Variants in RAP2A observed in about 807,000 individuals in gnomAD.
RAP2A encodes RAP2A, member of RAS oncogene family, also known as ras-related protein Rap-2a.
RAP2A carries 5 observed loss-of-function variants against 15.1 expected under a neutral mutation model. The ratio of observed to expected loss-of-function variants is 0.33; its 90% CI spans 0.17 to 0.70. The LOEUF is 0.70. Ranked by LOEUF, RAP2A falls within the 30% of genes least tolerant of loss-of-function variation. The pLI is 0.68. For missense variants in RAP2A, 111 were observed against 240.3 expected (o/e 0.46, Z 3.56); for synonymous variants, 110 against 99.7 (o/e 1.10, Z -0.62).
rs2066766659 is a variant in RAP2A, at chr13:97,465,479, C to G, written c.*1037C>G. On this transcript the variant is annotated 3_prime_UTR_variant, in exon 2 of 2. Coordinates refer to ENST00000245304, the MANE Select transcript of RAP2A (RefSeq NM_021033.7). ...CCCGTGGCTAACCTGCTTTCAAAAT[C>G]AAGTATTTGCTGTAGCAGAGCTTTA... The G allele has an allele frequency of 6.6e-6, 1 of 152,612 alleles. No homozygotes were observed. The highest frequency in any genetic ancestry group is 6.5e-5 in the Admixed American group (1 of 15,272). The allele number at this position is 152,612 out of a possible 1,614,324, so 9.5% of individuals were successfully genotyped here.
chr13:97,456,228 C>A (rs2066722280), intron 1 of RAP2A, among the ~76,000 whole-genome samples: 1 of 149,820 alleles, frequency 6.7e-6, no homozygotes, highest in Non-Finnish European at 1.5e-5. Context: ...TTCTAATTGT[C>A]TGTGTGCACC....
Position 97,451,830 on chromosome 13 carries a change from C to T in RAP2A, c.315-12375C>T, listed in dbSNP as rs185104617. 1.6e-4 allele frequency among the ~76,000 whole-genome samples: 24 copies of T among 151,210 alleles called. 1 individual carries two copies. Among genetic ancestry groups the T allele is most frequent in the Admixed American group, 6.6e-4 (10 of 15,184 alleles). ...TCAGTCTTTTTAATTTTAATCAATC[C>T]GATAGGATTCTAGGAACCTCAGTGT... On this transcript the variant is annotated intron_variant, in intron 1 of 1. Coordinates refer to ENST00000245304, the MANE Select transcript of RAP2A (RefSeq NM_021033.7).
At chr13:97,456,499 A>T (rs528818336) in intron 1 of RAP2A, among the ~76,000 whole-genome samples, 1 of 152,282 alleles carries the variant, frequency 6.6e-6, no homozygotes, top group Admixed American at 6.5e-5. Context: ...TGGTTTTTAA[A>T]TAAAACATTT....
At chr13:97,457,411 T>C (rs1313660614) in intron 1 of RAP2A, among the ~76,000 whole-genome samples, 2 of 152,044 alleles carry the variant, frequency 1.3e-5, no homozygotes, top group African/African-American at 2.4e-5. Context: ...GGTACAGTTA[T>C]AGTTTCTATA....
intron 1 of RAP2A, among the ~76,000 whole-genome samples, chr13:97,441,575 A>C (rs1466365504): frequency 6.6e-6 from 1 of 152,160 alleles, no homozygotes; most frequent in Non-Finnish European, 1.5e-5. Context: ...ACTGTACTTA[A>C]GGGAATTTTT....
intron 1 of RAP2A, among the ~76,000 whole-genome samples, chr13:97,461,974 AT>A (rs1418478146): frequency 5.6e-5 from 8 of 142,456 alleles, no homozygotes; most frequent in South Asian, 4.4e-4. Flanking sequence ...AAAAAAAAAT[AT>A]ATATATATAT....
chr13:97,451,242 T>G (rs1336895670), intron 1 of RAP2A, among the ~76,000 whole-genome samples: 1 of 150,124 alleles, frequency 6.7e-6, no homozygotes, highest in Non-Finnish European at 1.5e-5. Context: ...ATTTTTTTTG[T>G]TTTTTTTTAT....
At chr13:97,455,401 A>G (rs2066718783) in intron 1 of RAP2A, among the ~76,000 whole-genome samples, 1 of 151,522 alleles carries the variant, frequency 6.6e-6, no homozygotes, top group Non-Finnish European at 1.5e-5. Context: ...ACCCTTGAGA[A>G]TTAGTTTTTC....
At position 97,465,499 on chromosome 13, in the gene RAP2A, G is replaced by A. The variant is rs2066766741; in HGVS notation, c.*1057G>A. ...AAAATCAAGTATTTGCTGTAGCAGA[G>A]CTTTATTGCAGGCATTTTAAAAATT... is the stretch of plus-strand genomic sequence containing the variant. On this transcript the variant is annotated 3_prime_UTR_variant, in exon 2 of 2. Coordinates refer to ENST00000245304, the MANE Select transcript of RAP2A (RefSeq NM_021033.7). The A allele has an allele frequency of 6.6e-6, 1 of 152,652 alleles. No homozygotes were observed. The allele number at this position is 152,652 out of a possible 1,614,324, so 9.5% of individuals were successfully genotyped here. A position where few individuals can be genotyped will look rare whatever the true frequency, so the allele number is the denominator to read the frequency against.
Position 97,451,036 on chromosome 13 carries a change from A to G in RAP2A, c.315-13169A>G, listed in dbSNP as rs1042209597. Among the ~76,000 whole-genome samples, 11 of 152,332 alleles carry G rather than the reference A, an allele frequency of 7.2e-5. No individual in the cohort carries two copies. In the South Asian group the frequency reaches 1.9e-3, roughly 26 times the overall value. On this transcript the variant is annotated intron_variant, in intron 1 of 1. Transcript: ENST00000245304. ...AGTCTTTAGCCAGTTTTGGATATAA[A>G]TTAAACAGTACTGCATTGTACAGAA...
intron 1 of RAP2A, chr13:97,436,104 A>G (rs747907568): frequency 2.0e-5 from 3 of 152,228 alleles, no homozygotes; most frequent in Admixed American, 6.5e-5. Context: ...CTGAACTAAA[A>G]TCGTGCATGT....
chr13:97,441,646 C>A, intron 1 of RAP2A: 2 of 345,348 alleles, frequency 5.8e-6, no homozygotes, highest in South Asian at 2.3e-5. Context: ...AACCTTACTG[C>A]CTAGGGGAGC....
chr13:97,438,704 A>G (rs1260593412), intron 1 of RAP2A, among the ~76,000 whole-genome samples: 1 of 152,102 alleles, frequency 6.6e-6, no homozygotes, highest in East Asian at 1.9e-4. Flanking sequence ...TCAATCACAC[A>G]TACCCTGTCC....
chr13:97,453,823 T>C (rs1318177163), intron 1 of RAP2A, among the ~76,000 whole-genome samples: 1 of 151,164 alleles, frequency 6.6e-6, no homozygotes, highest in Non-Finnish European at 1.5e-5. Context: ...CCATCAGCAA[T>C]GTATCTAGTT....
At chr13:97,438,990 C>T (rs1055056803) in intron 1 of RAP2A, among the ~76,000 whole-genome samples, 7 of 152,178 alleles carry the variant, frequency 4.6e-5, no homozygotes, top group Admixed American at 2.6e-4. Flanking sequence ...TCCTTCAGCT[C>T]GAACTTTCTG....
rs149522848 is a variant in RAP2A, at chr13:97,464,313, C to A, written c.423C>A (p.Pro141=). 9 of 1,614,180 alleles carry A rather than the reference C, an allele frequency of 5.6e-6. 1 individual carries two copies. In the African/African-American group the frequency reaches 1.2e-4, roughly 22 times the overall value. ...GRALAEEWGC[P]FMETSAKSKT... ...CCCTTGCTGAAGAGTGGGGCTGCCC[C>A]TTTATGGAAACTTCCGCTAAGAGTA... is the stretch of plus-strand genomic sequence containing the variant. The change falls in exon 2 of 2, where the codon CCC becomes CCA. Residue 141 remains proline, a synonymous_variant. Transcript: ENST00000245304.
At chr13:97,448,883 T>C (rs2066690495) in intron 1 of RAP2A, among the ~76,000 whole-genome samples, 1 of 152,088 alleles carries the variant, frequency 6.6e-6, no homozygotes, top group South Asian at 2.1e-4. Context: ...CAGGAGGGCT[T>C]TATGGGGCAA....
At chr13:97,441,706 T>A in intron 1 of RAP2A, 1 of 423,104 alleles carries the variant, frequency 2.4e-6, no homozygotes, top group Non-Finnish European at 4.7e-6. Context: ...GATTTTTCCC[T>A]GTTTTCTGTT....
Position 97,465,883 on chromosome 13 carries a change from G to C in RAP2A, c.*1441G>C, listed in dbSNP as rs1198654336. The C allele has an allele frequency of 6.6e-6, 1 of 152,164 alleles. No homozygotes were observed. Among genetic ancestry groups the C allele is most frequent in the African/African-American group, 2.4e-5 (1 of 41,426 alleles). The allele number at this position is 152,164 out of a possible 1,614,324, so 9.4% of individuals were successfully genotyped here. A position where few individuals can be genotyped will look rare whatever the true frequency, so the allele number is the denominator to read the frequency against. ...TATCTTGAGCTGGGCCTTGGGAGAA[G>C]AATTTGGCCTTCAGAACTGCAATAT... On this transcript the variant is annotated 3_prime_UTR_variant, in exon 2 of 2. Transcript: ENST00000245304.
Sources: gnomAD v4.1 joint callset for allele counts (sites outside exome capture counted in the v4.1 genomes callset) on GRCh38, gnomAD v4.1.1 for gene constraint, MANE v1.5 for transcripts, NCBI Gene and HGNC (gene_info 2026-07-23, HGNC 2026-07-21) for gene names.